Variants in HLTF observed in about 807,000 individuals in gnomAD.
HLTF encodes helicase like transcription factor, also known as DNA-dependent ATPase/E3 ubiquitin-protein ligase HLTF.
In HLTF, 127 loss-of-function variants were observed where a neutral mutation model predicts 129.4. The ratio of observed to expected loss-of-function variants is 0.98; its 90% CI spans 0.85 to 1.14. HLTF has a LOEUF of 1.14. HLTF is among the 50% of genes most tolerant of loss of function. The pLI is 0.00. For missense variants in HLTF, 1,139 were observed against 1,187.1 expected (o/e 0.96, Z 0.60); for synonymous variants, 332 against 388.8 (o/e 0.85, Z 1.72).
intron 2 of HLTF, among the ~76,000 whole-genome samples, chr3:149,083,946 A>G (rs1720107344): frequency 6.6e-6 from 1 of 151,842 alleles, no homozygotes; most frequent in Admixed American, 6.6e-5. Flanking sequence ...AAAAAATCCA[A>G]TTCACTTAAG....
rs112069451 is a variant in HLTF, at chr3:149,056,838, G to A, written c.1376-1438C>T. Among the ~76,000 whole-genome samples, 53 of 152,262 alleles carry A rather than the reference G, an allele frequency of 3.5e-4. 1 individual carries two copies. Among genetic ancestry groups the A allele is most frequent in the African/African-American group, 1.1e-3 (44 of 41,552 alleles). ...TAAAAATACAGAATGGGCCGGGCGC[G>A]GTGGCTCACGCCTGTAATCCCAGCA... On this transcript the variant is annotated intron_variant, in intron 13 of 24. Coordinates refer to ENST00000310053, the MANE Select transcript of HLTF (RefSeq NM_003071.4).
In HLTF at chr3:149,043,608, TG is replaced by T. The variant is rs560121334; in HGVS notation, c.2073-1319del. On this transcript the variant is annotated intron_variant, in intron 18 of 24. Coordinates refer to ENST00000310053, the MANE Select transcript of HLTF (RefSeq NM_003071.4). ...CAGAAACATTCTATACAAAATACAG[TG>T]GTACAATGACAACATAGATTCTTAA... is the stretch of plus-strand genomic sequence containing the variant. Among the ~76,000 whole-genome samples the T allele has an allele frequency of 4.8e-5, 7 of 145,298 alleles. No homozygotes were observed. In the South Asian group the frequency reaches 1.5e-3, roughly 31 times the overall value.
At chr3:149,063,965 T>C (rs747913227) in intron 9 of HLTF, among the ~76,000 whole-genome samples, 3 of 152,230 alleles carry the variant, frequency 2.0e-5, no homozygotes, top group African/African-American at 7.2e-5. Flanking sequence ...GAATGATCCA[T>C]ACTACATTGA....
In HLTF at chr3:149,071,653, T is replaced by G; in HGVS notation, c.632A>C (p.Lys211Thr). The change falls in exon 6 of 25, where the codon AAA becomes ACA. Residue 211 changes from lysine to threonine, a missense_variant. Physicochemically the swap from Lys to Thr is moderately conservative, Grantham distance 78. Coordinates refer to ENST00000310053, the MANE Select transcript of HLTF (RefSeq NM_003071.4). ...AAVQMTTEQLKTEFDKLFEDL... is the reference protein window; with the variant it reads ...AAVQMTTEQLTTEFDKLFEDL... ...TTCAAACAATTTGTCAAATTCTGTTTTAAGCTACAATAAACAGCAACAAGA... is the reference window on the plus strand; with the variant it reads ...TTCAAACAATTTGTCAAATTCTGTTGTAAGCTACAATAAACAGCAACAAGA... 2.6e-6 allele frequency: 4 copies of G among 1,548,714 alleles called. No homozygotes were observed. The highest frequency in any genetic ancestry group is 3.5e-6 in the Non-Finnish European group (4 of 1,127,706).
chr3:149,072,957 A>G (rs1454756903), intron 5 of HLTF, among the ~76,000 whole-genome samples: 1 of 152,216 alleles, frequency 6.6e-6, no homozygotes, highest in East Asian at 1.9e-4. Context: ...AACATTTCAG[A>G]TACAAAAATA....
rs1720428214 is a variant in HLTF, at chr3:149,086,393, C to T, written c.-57G>A. The T allele has an allele frequency of 2.6e-6, 4 of 1,536,372 alleles. No homozygotes were observed. In the South Asian group the frequency reaches 3.6e-5, roughly 14 times the overall value. ...CGGCTCCCCTGGATCGTTTTCGAGC[C>T]GCCTCGATACGCCTCCTTCCAGGCC... On this transcript the variant is annotated 5_prime_UTR_variant, in exon 1 of 25. Coordinates refer to ENST00000310053, the MANE Select transcript of HLTF (RefSeq NM_003071.4).
intron 23 of HLTF, among the ~76,000 whole-genome samples, chr3:149,036,594 A>G (rs1269714662): frequency 6.6e-6 from 1 of 151,694 alleles, no homozygotes; most frequent in East Asian, 1.9e-4. Flanking sequence ...AGGCCATATT[A>G]CCCCAATACT....
intron 7 of HLTF, 111 bp from the exon 8 acceptor site, chr3:149,068,446 C>T (rs2108037576): frequency 1.8e-6 from 1 of 553,814 alleles, no homozygotes; most frequent in South Asian, 2.6e-5. Context: ...TTCAAGGTCA[C>T]AAAAGTGTAC....
At chr3:149,047,964 C>T in intron 17 of HLTF, 64 bp downstream of exon 17, 2 of 1,337,694 alleles carry the variant, frequency 1.5e-6, no homozygotes, top group Non-Finnish European at 1.0e-6. Context: ...AAGAAAGTGC[C>T]AACTGGTTCA....
At chr3:149,042,408 G>C in intron 18 of HLTF, 118 bp from the exon 19 acceptor site, 13 of 828,224 alleles carry the variant, frequency 1.6e-5, no homozygotes, top group Non-Finnish European at 3.7e-6. Context: ...TCCAAAACAA[G>C]AATGAAAAGC....
At chr3:149,062,713 G>T (rs1222339744) in intron 10 of HLTF, among the ~76,000 whole-genome samples, 2 of 152,106 alleles carry the variant, frequency 1.3e-5, no homozygotes, top group Non-Finnish European at 1.5e-5. Flanking sequence ...TACATGTGAA[G>T]AACTGAAACG....
intron 13 of HLTF, among the ~76,000 whole-genome samples, chr3:149,057,339 T>C (rs1157229122): frequency 6.6e-6 from 1 of 151,492 alleles, no homozygotes; most frequent in Non-Finnish European, 1.5e-5. Context: ...GACAGGAGAA[T>C]TGCTTGAACC....
chr3:149,061,832 G>A (rs1213823858), intron 10 of HLTF, among the ~76,000 whole-genome samples: 2 of 140,770 alleles, frequency 1.4e-5, no homozygotes, highest in East Asian at 4.1e-4. Context: ...GCAAAACTCT[G>A]TCTCAAAAAA....
intron 13 of HLTF, 138 bp downstream of exon 13, chr3:149,059,580 T>C (rs1717749037): frequency 1.7e-6 from 1 of 590,230 alleles, no homozygotes; most frequent in Non-Finnish European, 3.0e-6. Context: ...TTTGTTCTTT[T>C]AATGGGTTAT....
At chr3:149,057,694 T>C (rs1211982854) in intron 13 of HLTF, among the ~76,000 whole-genome samples, 1 of 152,190 alleles carries the variant, frequency 6.6e-6, no homozygotes, top group East Asian at 1.9e-4. Flanking sequence ...ACTGAAACTG[T>C]AGAACGTGAA....
rs145604552 is a variant in HLTF, at chr3:149,078,580, G to A, written c.229-2533C>T. On this transcript the variant is annotated intron_variant, in intron 2 of 24. Transcript: ENST00000310053. ...AATTAAAAAGTTCAAAGACCTGGCC[G>A]GGCACAGTGGCTCACGCCTGTAATC... 4.2e-3 allele frequency among the ~76,000 whole-genome samples: 642 copies of A among 151,770 alleles called. 7 individuals carry two copies. Among genetic ancestry groups the A allele is most frequent in the African/African-American group, 0.015 (617 of 41,372 alleles).
chr3:149,069,238 G>A (rs1043452583), intron 7 of HLTF, among the ~76,000 whole-genome samples: 3 of 152,034 alleles, frequency 2.0e-5, no homozygotes, highest in African/African-American at 4.8e-5. Context: ...TTGGGAGGCC[G>A]AAGCAGGTGG....
intron 24 of HLTF, 99 bp from the exon 25 acceptor site, chr3:149,032,471 C>T (rs1715168134): frequency 8.8e-6 from 6 of 685,482 alleles, no homozygotes; most frequent in South Asian, 2.5e-5. Flanking sequence ...TGGCAAAAAC[C>T]GCAATTACTT....
chr3:149,032,574 T>C (rs905312749), intron 24 of HLTF, among the ~76,000 whole-genome samples: 5 of 151,990 alleles, frequency 3.3e-5, no homozygotes, highest in Admixed American at 2.6e-4. Context: ...GCTGTACGAA[T>C]AGAAGTTACA....
Sources: allele counts gnomAD v4.1 joint callset (sites outside exome capture counted in the v4.1 genomes callset), GRCh38; gene constraint gnomAD v4.1.1; transcripts MANE v1.5; gene names NCBI Gene and HGNC (gene_info 2026-07-23, HGNC 2026-07-21).